AJAP1: variants seen among roughly 807,000 people sequenced by gnomAD.
AJAP1 encodes adherens junction-associated protein 1.
AJAP1 carries 5 observed loss-of-function variants against 35.0 expected under a neutral mutation model. That is an observed-to-expected ratio of 0.14 (90% CI 0.07 to 0.30). The LOEUF (loss-of-function observed/expected upper bound fraction) is 0.30, where lower values mean the gene tolerates loss of function less well. AJAP1 is among the 10% of genes least tolerant of loss of function. The probability of loss-of-function intolerance (pLI) is 1.00; values close to 1 mark genes in which losing one functional copy is unlikely to be tolerated. For missense variants in AJAP1, 586 were observed against 571.0 expected (o/e 1.03, Z -0.27); for synonymous variants, 284 against 249.3 (o/e 1.14, Z -1.31).
intron 2 of AJAP1, among the ~76,000 whole-genome samples, chr1:4,738,307 G>A (rs1474202825): frequency 6.6e-6 from 1 of 152,246 alleles, no homozygotes; most frequent in Admixed American, 6.5e-5. Context: ...ATGCGTAATT[G>A]TCAACCATGT....
At chr1:4,717,680 G>T (rs144528475) in intron 2 of AJAP1, among the ~76,000 whole-genome samples, 2 of 152,164 alleles carry the variant, frequency 1.3e-5, no homozygotes, top group Non-Finnish European at 2.9e-5. Flanking sequence ...TGACAAGCTG[G>T]TGTCATTTTC....
intron 2 of AJAP1, among the ~76,000 whole-genome samples, chr1:4,759,114 C>T (rs974112407): frequency 6.6e-6 from 1 of 152,170 alleles, no homozygotes; most frequent in African/African-American, 2.4e-5. Context: ...TTTTGGCCTG[C>T]TGGCACACCC....
intron 1 of AJAP1, among the ~76,000 whole-genome samples, chr1:4,675,541 AC>A (rs1451430107): frequency 6.6e-6 from 1 of 152,164 alleles, no homozygotes; most frequent in Non-Finnish European, 1.5e-5. Flanking sequence ...CATGTGGCCT[AC>A]CTCAGTGTCC....
chr1:4,737,194 G>A (rs550014025), intron 2 of AJAP1, among the ~76,000 whole-genome samples: 5 of 152,202 alleles, frequency 3.3e-5, no homozygotes, highest in South Asian at 2.1e-4. Context: ...CCTGGGATGG[G>A]AAGGTTCTCA....
Position 4,655,652 on chromosome 1 carries a change from G to A in AJAP1, c.29+198G>A, listed in dbSNP as rs1208681910. ...CCGCGGCCCTGGCGGGGAGCGGCCG[G>A]GTCTCCAGGGTTCCGCGCGTCCGGG... On this transcript the variant is annotated intron_variant, in intron 1 of 5. Coordinates refer to ENST00000378191, the MANE Select transcript of AJAP1 (RefSeq NM_018836.4). The surrounding 1 kb of genome is among the most constrained non-coding windows in gnomAD (Gnocchi z 6.9). 6.6e-6 allele frequency among the ~76,000 whole-genome samples: 1 copy of A among 151,324 alleles called. No individual in the cohort carries two copies. The highest frequency in any genetic ancestry group is 1.5e-5 in the Non-Finnish European group (1 of 67,780).
At position 4,734,937 on chromosome 1, in the gene AJAP1, G is replaced by A. The variant is rs896179814; in HGVS notation, c.829+22238G>A. Among the ~76,000 whole-genome samples the A allele has an allele frequency of 2.0e-5, 3 of 152,280 alleles. No homozygotes were observed. Among genetic ancestry groups the A allele is most frequent in the South Asian group, 4.2e-4 (2 of 4,818 alleles). On this transcript the variant is annotated intron_variant, in intron 2 of 5. Transcript: ENST00000378191. The surrounding 1 kb of genome is among the most constrained non-coding windows in gnomAD (Gnocchi z 4.3). ...GGCACAGATGGCAATGTTGTTTCTC[G>A]ACTCCTCCGTCCATCGCCTGCAAGC...
intron 2 of AJAP1, among the ~76,000 whole-genome samples, chr1:4,739,740 CT>C (rs1203433503): frequency 1.6e-4 from 25 of 151,892 alleles, no homozygotes; most frequent in Admixed American, 1.3e-3. Flanking sequence ...TTTCTGTTTT[CT>C]TTTGTACTTG....
chr1:4,740,329 G>A (rs990554631), intron 2 of AJAP1, among the ~76,000 whole-genome samples: 9 of 150,940 alleles, frequency 6.0e-5, no homozygotes, highest in African/African-American at 2.2e-4. Flanking sequence ...CATAGAGACA[G>A]AAAGTCAAAT....
chr1:4,753,403 G>A (rs1181091665), intron 2 of AJAP1, among the ~76,000 whole-genome samples: 2 of 147,106 alleles, frequency 1.4e-5, no homozygotes, highest in Non-Finnish European at 2.9e-5. Flanking sequence ...ACAGGAATTA[G>A]CAGGAATTTA....
chr1:4,733,882 G>T (rs537538949), intron 2 of AJAP1, among the ~76,000 whole-genome samples: 1 of 151,994 alleles, frequency 6.6e-6, no homozygotes, highest in African/African-American at 2.4e-5. Context: ...GAAGATTCTT[G>T]TTCTGATTTC....
Position 4,655,512 on chromosome 1 carries a change from A to G in AJAP1, c.29+58A>G. ...GGCGCGTGGGTGCCAGGCTGGGCGGAAGCGGCGCTTTCCTCTATGTTGCAA... is the reference window on the plus strand; with the variant it reads ...GGCGCGTGGGTGCCAGGCTGGGCGGGAGCGGCGCTTTCCTCTATGTTGCAA... On this transcript the variant is annotated intron_variant, in intron 1 of 5. Transcript: ENST00000378191. The surrounding 1 kb of genome is among the most constrained non-coding windows in gnomAD (Gnocchi z 6.9). 1.3e-6 allele frequency: 2 copies of G among 1,542,856 alleles called. No homozygotes were observed. Among genetic ancestry groups the G allele is most frequent in the African/African-American group, 1.4e-5 (1 of 70,478 alleles).
At position 4,734,239 on chromosome 1, in the gene AJAP1, C is replaced by G. The variant is rs750201266; in HGVS notation, c.829+21540C>G. On this transcript the variant is annotated intron_variant, in intron 2 of 5. Transcript: ENST00000378191. The surrounding 1 kb of genome is among the most constrained non-coding windows in gnomAD (Gnocchi z 4.3). ...TGAAAGGAGTGCCTCAGCTGAGCCCCGGAATAGGAAGGGCCTGCCCTACTG... is the reference window on the plus strand; with the variant it reads ...TGAAAGGAGTGCCTCAGCTGAGCCCGGGAATAGGAAGGGCCTGCCCTACTG... Among the ~76,000 whole-genome samples the G allele has an allele frequency of 7.9e-5, 12 of 152,136 alleles. No homozygotes were observed. Among genetic ancestry groups the G allele is most frequent in the South Asian group, 2.1e-4 (1 of 4,820 alleles).
chr1:4,682,093 T>C (rs1362753195), intron 1 of AJAP1, among the ~76,000 whole-genome samples: 2 of 152,188 alleles, frequency 1.3e-5, no homozygotes, highest in Non-Finnish European at 2.9e-5. Context: ...CCACCAATGA[T>C]ACTGTGGTCC....
intron 1 of AJAP1, among the ~76,000 whole-genome samples, chr1:4,676,742 G>T (rs912877565): frequency 7.9e-5 from 12 of 152,348 alleles, no homozygotes; most frequent in Middle Eastern, 3.4e-3. Context: ...AGGGGGACAG[G>T]TGGCACAGAA....
intron 1 of AJAP1, among the ~76,000 whole-genome samples, chr1:4,661,199 G>T (rs1638990956): frequency 6.6e-6 from 1 of 152,130 alleles, no homozygotes; most frequent in Non-Finnish European, 1.5e-5. Flanking sequence ...TATCAGATTT[G>T]TCTGTGAACT....
intron 1 of AJAP1, among the ~76,000 whole-genome samples, chr1:4,699,500 T>C (rs1639940882): frequency 6.6e-6 from 1 of 152,208 alleles, no homozygotes; most frequent in Non-Finnish European, 1.5e-5. Flanking sequence ...GGCGATAACC[T>C]GACATTTATT....
At chr1:4,742,535 G>A (rs1037061958) in intron 2 of AJAP1, among the ~76,000 whole-genome samples, 13 of 152,264 alleles carry the variant, frequency 8.5e-5, no homozygotes, top group Admixed American at 7.8e-4. Flanking sequence ...GGCCCCTGGG[G>A]AATCAGGGTT....
At chr1:4,691,791 G>A (rs983510328) in intron 1 of AJAP1, among the ~76,000 whole-genome samples, 2 of 152,148 alleles carry the variant, frequency 1.3e-5, no homozygotes, top group Non-Finnish European at 2.9e-5. Context: ...GTGAAAACGT[G>A]TGTGGGGGAC....
chr1:4,777,792 T>C (rs1372109428), intron 5 of AJAP1: 1 of 152,232 alleles, frequency 6.6e-6, no homozygotes, highest in African/African-American at 2.4e-5. Flanking sequence ...AAATAAGAAG[T>C]GTACCTGTGC....
Sources: gnomAD v4.1 joint callset for allele counts (sites outside exome capture counted in the v4.1 genomes callset) on GRCh38, gnomAD v4.1.1 for gene constraint, Gnocchi (gnomAD v3.1) non-coding constraint, MANE v1.5 for transcripts, NCBI Gene and HGNC (gene_info 2026-07-23, HGNC 2026-07-21) for gene names.